CENPL: variants seen among roughly 807,000 people sequenced by gnomAD.
CENPL encodes interphase centromere complex protein 33.
Under a neutral mutation model 35.2 loss-of-function variants are expected in CENPL, and 20 were observed. The observed-to-expected ratio is 0.57, with a 90% CI of 0.40 to 0.83. The LOEUF (loss-of-function observed/expected upper bound fraction) is 0.83, where lower values mean the gene tolerates loss of function less well. CENPL is among the 40% of genes least tolerant of loss of function. The pLI is 0.00. For missense variants in CENPL, 363 were observed against 395.8 expected, an observed-to-expected ratio of 0.92 and a Z score of 0.70; for synonymous variants, 140 against 140.6, an observed-to-expected ratio of 1.00 and a Z score of 0.03.
intron 4 of CENPL, among the ~76,000 whole-genome samples, chr1:173,805,916 A>C (rs1650183480): frequency 6.6e-6 from 1 of 152,204 alleles, no homozygotes; most frequent in Non-Finnish European, 1.5e-5. Context: ...CTAATCCCAG[A>C]ACATCTTGAG....
intron 2 of CENPL, among the ~76,000 whole-genome samples, chr1:173,812,785 C>T (rs936643106): frequency 1.3e-5 from 2 of 152,108 alleles, no homozygotes; most frequent in African/African-American, 2.4e-5. Context: ...GATCACAGCC[C>T]CTCGCCAGCA....
intron 2 of CENPL, among the ~76,000 whole-genome samples, chr1:173,819,196 C>T (rs6672741): frequency 0.97 from 147,440 of 152,282 alleles, 71,411 homozygotes; most frequent in Middle Eastern, 1. Context: ...ATCATGCCAC[C>T]GAATTCCAGC....
chr1:173,808,803 C>CT (rs1650482913), intron 3 of CENPL, among the ~76,000 whole-genome samples: 1 of 152,092 alleles, frequency 6.6e-6, no homozygotes, highest in Non-Finnish European at 1.5e-5. Flanking sequence ...ACAACCTAGG[C>CT]AATACCATTC....
chr1:173,811,099 A>T, intron 3 of CENPL, 33 bp downstream of exon 3: 1 of 1,585,268 alleles, frequency 6.3e-7, no homozygotes. Context: ...ATTCTCAATT[A>T]TTGACTAACA....
chr1:173,814,324 C>G (rs1275684467), intron 2 of CENPL, among the ~76,000 whole-genome samples: 1 of 152,092 alleles, frequency 6.6e-6, no homozygotes, highest in Non-Finnish European at 1.5e-5. Context: ...AGCTCTGCAC[C>G]AAGTGGACCT....
chr1:173,811,888 G>T (rs1375602030), intron 2 of CENPL, among the ~76,000 whole-genome samples: 1 of 152,244 alleles, frequency 6.6e-6, no homozygotes, highest in Non-Finnish European at 1.5e-5. Context: ...AGCGCAAGGG[G>T]TCCAGGGATT....
At chr1:173,807,207 T>G in intron 4 of CENPL, 60 bp downstream of exon 4, 2 of 1,382,970 alleles carry the variant, frequency 1.4e-6, no homozygotes, top group African/African-American at 2.8e-5. Flanking sequence ...TTATTATAGT[T>G]TAGTCAAACA....
chr1:173,806,035 T>G lies in CENPL; in HGVS notation c.420+1232A>C, dbSNP rs531418884. On this transcript the variant is annotated intron_variant, in intron 4 of 5. Transcript: ENST00000682279. ...TGGCAATATGGGCTCTGTTGCAACT[T>G]CTCAACTCTGCTGTTGCAGCACAAA... Among the ~76,000 whole-genome samples the G allele has an allele frequency of 1.4e-4, 22 of 152,288 alleles. 1 individual carries two copies. Among genetic ancestry groups the G allele is most frequent in the African/African-American group, 5.1e-4 (21 of 41,552 alleles).
intron 4 of CENPL, chr1:173,806,586 AAAAATAAAAT>A (rs1176662391): frequency 3.3e-6 from 1 of 302,952 alleles, no homozygotes; most frequent in East Asian, 1.2e-4. Flanking sequence ...CCTGTCTCAA[AAAAATAAAAT>A]AAAATAAAAT....
chr1:173,809,362 G>C (rs1454317188), intron 3 of CENPL, among the ~76,000 whole-genome samples: 1 of 151,508 alleles, frequency 6.6e-6, no homozygotes, highest in Non-Finnish European at 1.5e-5. Context: ...GGTGGGGAGG[G>C]TTGATCACCT....
chr1:173,816,829 C>T (rs1651427782), intron 2 of CENPL, among the ~76,000 whole-genome samples: 1 of 152,152 alleles, frequency 6.6e-6, no homozygotes, highest in Non-Finnish European at 1.5e-5. Context: ...CCAAAATAGA[C>T]AAATGGGATC....
Position 173,803,516 on chromosome 1 carries a change from A to G in CENPL, c.421-11T>C, listed in dbSNP as rs755658889. On this transcript the variant is annotated splice_polypyrimidine_tract_variant and intron_variant, in intron 4 of 5. Coordinates refer to ENST00000682279, the MANE Select transcript of CENPL (RefSeq NM_001387287.1). ...AGATTTTGACACAATCTACAAAGAA[A>G]GTAAACAGGCTCCTTAAATTCAAAA... 5.4e-5 allele frequency: 83 copies of G among 1,543,844 alleles called. No homozygotes were observed. Among genetic ancestry groups the G allele is most frequent in the African/African-American group, 1.1e-4 (8 of 72,218 alleles).
chr1:173,819,531 G>A (rs922495154), intron 2 of CENPL, among the ~76,000 whole-genome samples: 1 of 152,224 alleles, frequency 6.6e-6, no homozygotes, highest in African/African-American at 2.4e-5. Flanking sequence ...GGAGGCTTCA[G>A]TGAGCCAAGA....
rs1342421327 is a variant in CENPL, at chr1:173,824,194, AG to A, written c.-102+17del. The A allele has an allele frequency of 1.3e-5, 2 of 152,284 alleles. No individual in the cohort carries two copies. The highest frequency in any genetic ancestry group is 2.9e-5 in the Non-Finnish European group (2 of 68,114). 9.4% of individuals were successfully genotyped at this position (152,284 alleles called of 1,614,324 possible). On this transcript the variant is annotated intron_variant, in intron 1 of 5. Transcript: ENST00000682279. ...GCGGGCCCTGCGACTTCACTCTGGGAGGGACATTTCCGCTCACCCAGCTCTG... is the reference window on the plus strand; with the variant it reads ...GCGGGCCCTGCGACTTCACTCTGGGAGGACATTTCCGCTCACCCAGCTCTG...
chr1:173,820,833 G>A (rs1398238603), intron 2 of CENPL, among the ~76,000 whole-genome samples: 1 of 152,136 alleles, frequency 6.6e-6, no homozygotes, highest in Non-Finnish European at 1.5e-5. Context: ...TTTTTAAAAT[G>A]ACAAAGTTAA....
intron 5 of CENPL, among the ~76,000 whole-genome samples, chr1:173,801,773 T>C (rs1649773750): frequency 6.6e-6 from 1 of 152,086 alleles, no homozygotes; most frequent in African/African-American, 2.4e-5. Flanking sequence ...TGAGTTGAGA[T>C]TGCACCACTG....
At chr1:173,805,526 A>T (rs1237974856) in intron 4 of CENPL, among the ~76,000 whole-genome samples, 1 of 151,594 alleles carries the variant, frequency 6.6e-6, no homozygotes, top group Non-Finnish European at 1.5e-5. Flanking sequence ...AAAAAAAAAA[A>T]GTCTCTTTAG....
Position 173,807,389 on chromosome 1 carries a change from C to T in CENPL, c.298G>A (p.Val100Ile). The T allele has an allele frequency of 6.2e-7, 1 of 1,613,426 alleles. No homozygotes were observed. The highest frequency in any genetic ancestry group is 8.5e-7 in the Non-Finnish European group (1 of 1,179,672). Reference protein sequence around the residue: ...EYSRLLNAFIVAEKQKGLAVE... With the variant: ...EYSRLLNAFIIAEKQKGLAVE... ...GCAAGTCCTTTTTGCTTTTCAGCAA[C>T]AATAAAAGCATTGAGAAGTCTAGAA... is the stretch of plus-strand genomic sequence containing the variant. Residue 100 changes from valine to isoleucine, a missense_variant, in exon 4 of 6, where the codon GTT becomes ATT. Coordinates refer to ENST00000682279, the MANE Select transcript of CENPL (RefSeq NM_001387287.1).
chr1:173,803,397 C>A lies in CENPL; in HGVS notation c.529G>T (p.Asp177Tyr), dbSNP rs546596379. 1 of 1,614,122 alleles carries A rather than the reference C, an allele frequency of 6.2e-7. No individual in the cohort carries two copies. Among genetic ancestry groups the A allele is most frequent in the South Asian group, 1.1e-5 (1 of 91,082 alleles). The change falls in exon 5 of 6, where the codon GAT becomes TAT. Residue 177 changes from aspartate (D) to tyrosine (Y), a missense_variant. By Grantham distance (160) the Asp-to-Tyr change is radical. Transcript: ENST00000682279. The part of the protein sequence containing the change: ...GDSLLETVSE[D>Y]FTCLPLFLAN... ...AGGAATAAGGGCAGACAGGTGAAATCTTCTGAAACAGTCTCCAGAAGACTG... is the reference window on the plus strand; with the variant it reads ...AGGAATAAGGGCAGACAGGTGAAATATTCTGAAACAGTCTCCAGAAGACTG...
Sources: allele counts gnomAD v4.1 joint callset (sites outside exome capture counted in the v4.1 genomes callset), GRCh38; gene constraint gnomAD v4.1.1; transcripts MANE v1.5; gene names NCBI Gene and HGNC (gene_info 2026-07-23, HGNC 2026-07-21).